Variants in PHACTR2 observed in about 807,000 individuals in gnomAD.
The protein encoded by PHACTR2 is phosphatase and actin regulator 2.
Under a neutral mutation model 76.0 loss-of-function variants are expected in PHACTR2, and 30 were observed. That is an observed-to-expected ratio of 0.39 (90% CI 0.30 to 0.54). PHACTR2 has a LOEUF of 0.54. PHACTR2 is among the 20% of genes least tolerant of loss of function. The pLI is 0.61. For synonymous variants in PHACTR2, 292 were observed against 292.5 expected (o/e 1.00, Z 0.02); for missense variants, 696 against 781.1 (o/e 0.89, Z 1.30).
In PHACTR2 at chr6:143,697,535, C is replaced by T. The variant is rs1012264129; in HGVS notation, c.47-14481C>T. Among the ~76,000 whole-genome samples, 1 of 152,174 alleles carries T rather than the reference C, an allele frequency of 6.6e-6. No individual in the cohort carries two copies. The highest frequency in any genetic ancestry group is 1.5e-5 in the Non-Finnish European group (1 of 68,018). On this transcript the variant is annotated intron_variant, in intron 1 of 12. Coordinates refer to ENST00000440869, the MANE Select transcript of PHACTR2 (RefSeq NM_001100164.2). This position sits in a 1 kb window ranked among gnomAD's most constrained non-coding sequence, Gnocchi z 4.4. ...TGTCTTTCAATTACCTTGTAAAGAG[C>T]AATTAAGTGTTTGCTTACCTGAAAA...
intron 1 of PHACTR2, among the ~76,000 whole-genome samples, chr6:143,682,038 C>G (rs1207757885): frequency 6.6e-6 from 1 of 152,142 alleles, no homozygotes; most frequent in African/African-American, 2.4e-5. Flanking sequence ...AAAGTTTCTA[C>G]TGGTTATTCT....
In PHACTR2 at chr6:143,652,066, CA is replaced by C. The variant is rs34096520; in HGVS notation, c.13+43759del. Among the ~76,000 whole-genome samples the C allele has an allele frequency of 0.43, 45,787 of 107,688 alleles. 7,059 individuals are homozygous for C. Among genetic ancestry groups the C allele is most frequent in the Middle Eastern group, 0.52 (104 of 200 alleles). The allele number at this position is 107,688 out of a possible 152,430, so 70.6% of individuals were successfully genotyped here. A position where few individuals can be genotyped will look rare whatever the true frequency, so the allele number is the denominator to read the frequency against. On this transcript the variant is annotated intron_variant, in intron 1 of 11. Transcript: ENST00000305766. The surrounding 1 kb of genome is among the most constrained non-coding windows in gnomAD (Gnocchi z 4.5). The stretch of plus-strand genomic sequence containing the variant: ...AGAAATTAAAGTTCTGTTGTTTAAG[CA>C]AAAAAAAAAAAAAAGGCCGGTAAAC...
chr6:143,812,663 G>A (rs1222171286), intron 12 of PHACTR2, among the ~76,000 whole-genome samples: 1 of 152,196 alleles, frequency 6.6e-6, no homozygotes, highest in Non-Finnish European at 1.5e-5. Flanking sequence ...TCATCCCGTG[G>A]CCCTATAGGT....
At chr6:143,747,539 G>A (rs144280895) in intron 2 of PHACTR2, among the ~76,000 whole-genome samples, 36 of 152,270 alleles carry the variant, frequency 2.4e-4, no homozygotes, top group Non-Finnish European at 4.7e-4. Context: ...CTGGTTTGGG[G>A]TAATGGCTTT....
At chr6:143,538,813 G>A (rs916561753) in intron 1 of PHACTR2, among the ~76,000 whole-genome samples, 2 of 152,136 alleles carry the variant, frequency 1.3e-5, no homozygotes, top group African/African-American at 4.8e-5. Flanking sequence ...TTTGTAGATC[G>A]CATTGGATGA....
At chr6:143,704,268 T>C (rs1468049723) in intron 1 of PHACTR2, among the ~76,000 whole-genome samples, 1 of 152,320 alleles carries the variant, frequency 6.6e-6, no homozygotes, top group East Asian at 1.9e-4. Context: ...GGATCCATCA[T>C]GTGCTAAAAA....
chr6:143,783,422 C>A lies in PHACTR2; in HGVS notation c.1707+142C>A. On this transcript the variant is annotated intron_variant, in intron 10 of 12. Transcript: ENST00000440869. This position sits in a 1 kb window ranked among gnomAD's most constrained non-coding sequence, Gnocchi z 5.2. ...TCTATAATCATAGACATCAAAATCA[C>A]AAGCCTGGGCAACATGGTGAAACCC... is the stretch of plus-strand genomic sequence containing the variant. The A allele has an allele frequency of 1.9e-6, 1 of 515,300 alleles. No individual in the cohort carries two copies. Among genetic ancestry groups the A allele is most frequent in the Non-Finnish European group, 3.5e-6 (1 of 288,154 alleles). 31.9% of individuals were successfully genotyped at this position (515,300 alleles called of 1,614,324 possible).
chr6:143,823,538 A>G lies in PHACTR2; in HGVS notation c.1923-136A>G. ...TGTAACAGTATTTTGTTATGACAGA[A>G]ATTTGTAAACAGTAATTCAGTTGGG... On this transcript the variant is annotated intron_variant, in intron 12 of 12. Coordinates refer to ENST00000440869, the MANE Select transcript of PHACTR2 (RefSeq NM_001100164.2). This position sits in a 1 kb window ranked among gnomAD's most constrained non-coding sequence, Gnocchi z 5.7. 1 of 614,064 alleles carries G rather than the reference A, an allele frequency of 1.6e-6. No homozygotes were observed. Among genetic ancestry groups the G allele is most frequent in the Non-Finnish European group, 3.0e-6 (1 of 334,200 alleles). The allele number at this position is 614,064 out of a possible 1,614,324, so 38.0% of individuals were successfully genotyped here.
intron 11 of PHACTR2, among the ~76,000 whole-genome samples, chr6:143,792,128 G>A (rs1026278419): frequency 6.6e-6 from 1 of 152,116 alleles, no homozygotes; most frequent in Non-Finnish European, 1.5e-5. Flanking sequence ...TCATAAAGAT[G>A]CCTGCTCAAA....
chr6:143,583,960 T>C lies in PHACTR2; in HGVS notation c.217+46753T>C, dbSNP rs1264457976. Among the ~76,000 whole-genome samples the C allele has an allele frequency of 2.0e-5, 3 of 152,216 alleles. No individual in the cohort carries two copies. The highest frequency in any genetic ancestry group is 2.9e-5 in the Non-Finnish European group (2 of 68,036). ...AGCACTGTGTCTAGCACTCAGGATA[T>C]TCATAATAAAAGTTTGATAAAACAA... is the stretch of plus-strand genomic sequence containing the variant. On this transcript the variant is annotated intron_variant, in intron 1 of 11. Coordinates refer to the PHACTR2 transcript ENST00000367584. The surrounding 1 kb of genome is among the most constrained non-coding windows in gnomAD (Gnocchi z 4.0).
chr6:143,773,910 T>G (rs1775210781), intron 7 of PHACTR2, 149 bp from the exon 8 acceptor site: 3 of 522,028 alleles, frequency 5.7e-6, no homozygotes, highest in Non-Finnish European at 9.9e-6. Flanking sequence ...ACTCAAAGTC[T>G]TTTTTTCCTT....
At position 143,828,504 on chromosome 6, in the gene PHACTR2, A is replaced by G. The variant is rs1026065122; in HGVS notation, c.*4815A>G. The G allele has an allele frequency of 6.6e-6, 1 of 152,234 alleles. No homozygotes were observed. The highest frequency in any genetic ancestry group is 2.4e-5 in the African/African-American group (1 of 41,460). 9.4% of individuals were successfully genotyped at this position (152,234 alleles called of 1,614,324 possible). ...CCAATGCTTTTTTGAAGACAGTATC[A>G]TCCCAAATTTAAAAATCCTATTGTA... is the stretch of plus-strand genomic sequence containing the variant. On this transcript the variant is annotated 3_prime_UTR_variant, in exon 13 of 13. Coordinates refer to ENST00000440869, the MANE Select transcript of PHACTR2 (RefSeq NM_001100164.2). This position sits in a 1 kb window ranked among gnomAD's most constrained non-coding sequence, Gnocchi z 4.7.
chr6:143,673,122 G>A (rs1386336606), upstream of PHACTR2, among the ~76,000 whole-genome samples: 2 of 152,108 alleles, frequency 1.3e-5, no homozygotes, highest in Non-Finnish European at 2.9e-5. Context: ...TCCGCCACAG[G>A]AGAGTCCATA....
At position 143,730,743 on chromosome 6, in the gene PHACTR2, T is replaced by G. The variant is rs779881098; in HGVS notation, c.215-18242T>G. On this transcript the variant is annotated intron_variant, in intron 2 of 12. Transcript: ENST00000440869. This position sits in a 1 kb window ranked among gnomAD's most constrained non-coding sequence, Gnocchi z 4.8. The stretch of plus-strand genomic sequence containing the variant: ...ATTAAGTATGATGTTGGTGTAAGAT[T>G]TTTTGTGTGTGTTTGTTTGTTTGAG... 6.6e-6 allele frequency among the ~76,000 whole-genome samples: 1 copy of G among 152,116 alleles called. No individual in the cohort carries two copies. The highest frequency in any genetic ancestry group is 1.5e-5 in the Non-Finnish European group (1 of 68,012).
At chr6:143,682,426 G>T (rs1562268349) in intron 1 of PHACTR2, among the ~76,000 whole-genome samples, 1 of 152,074 alleles carries the variant, frequency 6.6e-6, no homozygotes, top group Non-Finnish European at 1.5e-5. Flanking sequence ...TGTTGCCCAG[G>T]CTGGTCTCAA....
rs1027452726 is a variant in PHACTR2 at position 143,680,521 on chromosome 6, T to A, written c.46+2312T>A. Among the ~76,000 whole-genome samples the A allele has an allele frequency of 6.6e-6, 1 of 152,346 alleles. No homozygotes were observed. Among genetic ancestry groups the A allele is most frequent in the Non-Finnish European group, 1.5e-5 (1 of 68,016 alleles). On this transcript the variant is annotated intron_variant, in intron 1 of 12. Coordinates refer to ENST00000440869, the MANE Select transcript of PHACTR2 (RefSeq NM_001100164.2). This position sits in a 1 kb window ranked among gnomAD's most constrained non-coding sequence, Gnocchi z 4.5. ...TTATAGGCTAGAAGTTAGCTTGCTT[T>A]CCCCGTTTTGACTTTAGGCTCTCTA...
Position 143,641,231 on chromosome 6 carries a change from C to G in PHACTR2, c.13+32909C>G, listed in dbSNP as rs1303176864. On this transcript the variant is annotated intron_variant, in intron 1 of 11. Coordinates refer to the PHACTR2 transcript ENST00000305766. This position sits in a 1 kb window ranked among gnomAD's most constrained non-coding sequence, Gnocchi z 5.8. ...CTTAATCATGATTTAAAGGTCCCAC[C>G]TCTTAATACTGTGATAATGGCAATG... Among the ~76,000 whole-genome samples, 1 of 152,090 alleles carries G rather than the reference C, an allele frequency of 6.6e-6. No homozygotes were observed. Among genetic ancestry groups the G allele is most frequent in the African/African-American group, 2.4e-5 (1 of 41,412 alleles).
At chr6:143,778,819 A>T (rs1775347222) in intron 9 of PHACTR2, among the ~76,000 whole-genome samples, 1 of 152,148 alleles carries the variant, frequency 6.6e-6, no homozygotes, top group African/African-American at 2.4e-5. Context: ...ATTTTGGGTA[A>T]TTCTTTCTTG....
At position 143,543,092 on chromosome 6, in the gene PHACTR2, C is replaced by T. The variant is rs990062230; in HGVS notation, c.217+5885C>T. Among the ~76,000 whole-genome samples the T allele has an allele frequency of 6.6e-6, 1 of 152,192 alleles. No individual in the cohort carries two copies. The highest frequency in any genetic ancestry group is 2.4e-5 in the African/African-American group (1 of 41,434). On this transcript the variant is annotated intron_variant, in intron 1 of 11. Coordinates refer to the PHACTR2 transcript ENST00000367584. The surrounding 1 kb of genome is among the most constrained non-coding windows in gnomAD (Gnocchi z 4.7). ...CTCAGAAAGGGTGTGGCAGGCCAGA[C>T]ACAGCAGTGTCTCTGGTGATCTAAG...
Sources: allele counts gnomAD v4.1 joint callset (sites outside exome capture counted in the v4.1 genomes callset), GRCh38; gene constraint gnomAD v4.1.1; non-coding constraint Gnocchi (gnomAD v3.1); transcripts MANE v1.5; gene names NCBI Gene and HGNC (gene_info 2026-07-23, HGNC 2026-07-21).